Variants in TENM3 observed in about 807,000 individuals in gnomAD.
The protein encoded by TENM3 is teneurin transmembrane protein 3, also known as teneurin-3.
Under a neutral mutation model 255.1 loss-of-function variants are expected in TENM3, and 63 were observed. The observed-to-expected ratio is 0.25, with a 90% CI of 0.20 to 0.30. The LOEUF (loss-of-function observed/expected upper bound fraction) is 0.30. Ranked by LOEUF, TENM3 falls within the 10% of genes least tolerant of loss-of-function variation. The probability of loss-of-function intolerance (pLI) is 1.00; values close to 1 mark genes in which losing one functional copy is unlikely to be tolerated. For synonymous variants in TENM3, 1,306 were observed against 1,322.3 expected (o/e 0.99, Z 0.27); for missense variants, 2,929 against 3,461.1 (o/e 0.85, Z 3.86).
chr4:182,260,348 T>C (rs1274407149), intron 1 of TENM3, among the ~76,000 whole-genome samples: 1 of 152,218 alleles, frequency 6.6e-6, no homozygotes, highest in Admixed American at 6.5e-5. Flanking sequence ...TAATTTGTAT[T>C]CCCACCAACA....
chr4:182,694,630 T>G (rs1016659914), intron 12 of TENM3, among the ~76,000 whole-genome samples: 3 of 152,180 alleles, frequency 2.0e-5, no homozygotes, highest in African/African-American at 7.2e-5. Flanking sequence ...TCTTAGTACA[T>G]TAGGAAACAA....
chr4:181,590,065 T>C, the TENM3 span, among the ~76,000 whole-genome samples: 1 of 152,052 alleles, frequency 6.6e-6, no homozygotes, highest in East Asian at 1.9e-4. Flanking sequence ...AAGAAAGAGG[T>C]AGTGAGCAAG....
chr4:181,997,338 C>T, the TENM3 span, among the ~76,000 whole-genome samples: 12 of 152,050 alleles, frequency 7.9e-5, no homozygotes, highest in Admixed American at 3.3e-4. Flanking sequence ...TACCTTTCAA[C>T]GGAGAAGAAA....
At chr4:181,714,098 A>G in the TENM3 span, among the ~76,000 whole-genome samples, 51 of 152,280 alleles carry the variant, frequency 3.3e-4, no homozygotes, top group Admixed American at 2.4e-3. Flanking sequence ...ACACTTTGGG[A>G]AACACTGAGA....
At chr4:181,808,152 T>C in the TENM3 span, among the ~76,000 whole-genome samples, 1 of 152,236 alleles carries the variant, frequency 6.6e-6, no homozygotes, top group Non-Finnish European at 1.5e-5. Context: ...CAGATAACCA[T>C]TTTTTATTTC....
At chr4:182,786,284 C>T (rs971324546) in intron 24 of TENM3, among the ~76,000 whole-genome samples, 6 of 151,998 alleles carry the variant, frequency 3.9e-5, no homozygotes, top group African/African-American at 1.2e-4. Flanking sequence ...GGGCTGGGCA[C>T]GGTGGCTCAC....
At chr4:182,053,152 C>G in the TENM3 span, among the ~76,000 whole-genome samples, 7 of 151,986 alleles carry the variant, frequency 4.6e-5, no homozygotes, top group African/African-American at 1.7e-4. Flanking sequence ...AGATGAGATG[C>G]AATACTCCCA....
the TENM3 span, among the ~76,000 whole-genome samples, chr4:181,507,368 A>G: frequency 6.6e-6 from 1 of 152,240 alleles, no homozygotes; most frequent in African/African-American, 2.4e-5. Context: ...CTGAAATTAC[A>G]TCACACCAAC....
chr4:181,984,050 C>T, the TENM3 span, among the ~76,000 whole-genome samples: 1 of 152,030 alleles, frequency 6.6e-6, no homozygotes, highest in Non-Finnish European at 1.5e-5. Flanking sequence ...CTCCCCATTG[C>T]TGTACTCATT....
the TENM3 span, among the ~76,000 whole-genome samples, chr4:181,672,696 C>T: frequency 8.5e-5 from 13 of 152,264 alleles, no homozygotes; most frequent in African/African-American, 2.4e-4. Context: ...TTTACAGAAG[C>T]GCCTGCATCT....
chr4:181,519,319 G>T, the TENM3 span, among the ~76,000 whole-genome samples: 2 of 152,166 alleles, frequency 1.3e-5, no homozygotes, highest in Non-Finnish European at 2.9e-5. Context: ...ACTTAATTAT[G>T]AATAAAGATT....
chr4:182,688,480 T>A, intron 12 of TENM3, 129 bp downstream of exon 12: 2 of 724,076 alleles, frequency 2.8e-6, no homozygotes, highest in Non-Finnish European at 4.1e-6. Flanking sequence ...AACACGAAAT[T>A]ATTTTTTAAA....
intron 3 of TENM3, among the ~76,000 whole-genome samples, chr4:182,510,555 A>G (rs930821957): frequency 1.3e-5 from 2 of 152,234 alleles, no homozygotes; most frequent in African/African-American, 4.8e-5. Flanking sequence ...GTTCTCTTAT[A>G]CATACATGTA....
chr4:181,612,701 C>A, the TENM3 span, among the ~76,000 whole-genome samples: 1 of 151,966 alleles, frequency 6.6e-6, no homozygotes, highest in Non-Finnish European at 1.5e-5. Flanking sequence ...TCTGTTAAAC[C>A]ATCGAATAGC....
the TENM3 span, among the ~76,000 whole-genome samples, chr4:181,577,207 ATAT>A: frequency 5.2e-3 from 660 of 128,066 alleles, 8 homozygotes; most frequent in African/African-American, 0.018. Context: ...TTATATATAT[ATAT>A]TTTTTTTTTA....
At chr4:182,242,604 T>A (rs1370056479), upstream of TENM3, among the ~76,000 whole-genome samples, 2 of 152,000 alleles carry the variant, frequency 1.3e-5, no homozygotes, top group African/African-American at 4.8e-5. Context: ...CTACAAAAAA[T>A]ACAAAAATTA....
chr4:181,713,121 T>C, the TENM3 span, among the ~76,000 whole-genome samples: 2 of 152,238 alleles, frequency 1.3e-5, no homozygotes, highest in Admixed American at 1.3e-4. Context: ...TGGACCAAAA[T>C]TAGACTGTTG....
At chr4:182,643,126 T>C (rs933840515) in intron 5 of TENM3, among the ~76,000 whole-genome samples, 2 of 152,240 alleles carry the variant, frequency 1.3e-5, no homozygotes, top group Non-Finnish European at 2.9e-5. Flanking sequence ...GAAAGCTTGG[T>C]TGCACTCTGG....
chr4:181,987,061 C>T, the TENM3 span, among the ~76,000 whole-genome samples: 1 of 151,966 alleles, frequency 6.6e-6, no homozygotes, highest in Non-Finnish European at 1.5e-5. Context: ...ATTTCAAAAC[C>T]AACCCGTCCC....
Sources: gnomAD v4.1 joint callset for allele counts (sites outside exome capture counted in the v4.1 genomes callset) on GRCh38, gnomAD v4.1.1 for gene constraint, MANE v1.5 for transcripts, NCBI Gene and HGNC (gene_info 2026-07-23, HGNC 2026-07-21) for gene names.